MIA3: variants seen among roughly 807,000 people sequenced by gnomAD.
The protein encoded by MIA3 is MIA SH3 domain ER export factor 3.
A neutral mutation model predicts 192.4 loss-of-function variants in MIA3; 90 were observed. The ratio of observed to expected loss-of-function variants is 0.47; its 90% CI spans 0.39 to 0.56. MIA3 has a LOEUF of 0.56. MIA3 is among the 20% of genes least tolerant of loss of function. The probability of loss-of-function intolerance (pLI) is 0.00; values close to 1 mark genes in which losing one functional copy is unlikely to be tolerated. For missense variants in MIA3, 2,123 were observed against 2,269.4 expected (o/e 0.94, Z 1.31); for synonymous variants, 740 against 792.8 (o/e 0.93, Z 1.12).
chr1:222,660,884 G>A (rs1392921421), intron 24 of MIA3: 1 of 152,870 alleles, frequency 6.5e-6, no homozygotes, highest in Admixed American at 6.5e-5. Context: ...AAGCACAGAT[G>A]TACATGACAC....
chr1:222,655,874 C>A (rs1663690108), intron 18 of MIA3, among the ~76,000 whole-genome samples: 1 of 151,974 alleles, frequency 6.6e-6, no homozygotes, highest in South Asian at 2.1e-4. Context: ...ACTCTACTGT[C>A]CACCCCTAAA....
At chr1:222,645,394 T>G (rs1009796955) in intron 6 of MIA3, among the ~76,000 whole-genome samples, 160 bp from the exon 7 acceptor site, 1 of 152,168 alleles carries the variant, frequency 6.6e-6, no homozygotes, top group Non-Finnish European at 1.5e-5. Context: ...ACTCCCAGTA[T>G]CCTGTTTTTC....
chr1:222,655,761 C>T (rs139987672), intron 18 of MIA3, among the ~76,000 whole-genome samples: 17 of 152,194 alleles, frequency 1.1e-4, no homozygotes, highest in Admixed American at 7.8e-4. Flanking sequence ...ATGTGAATTA[C>T]GTAAATGGCA....
At chr1:222,646,203 G>A in intron 7 of MIA3, 1 of 152,542 alleles carries the variant, frequency 6.6e-6, no homozygotes, top group South Asian at 2.0e-4. Flanking sequence ...ATCACTTGAG[G>A]CCAGGAGTTC....
At chr1:222,637,683 AATT>A (rs1318544581) in intron 6 of MIA3, among the ~76,000 whole-genome samples, 44 of 29,850 alleles carry the variant, frequency 1.5e-3, no homozygotes, top group Non-Finnish European at 2.8e-3. Context: ...AATCAAGAAT[AATT>A]TTTTTTTTTT....
In MIA3 at chr1:222,644,493, C is replaced by G. The variant is rs763807200; in HGVS notation, c.3478-1061C>G. 261 of 1,550,614 alleles carry G rather than the reference C, an allele frequency of 1.7e-4. 1 individual carries two copies. Among genetic ancestry groups the G allele is most frequent in the Middle Eastern group, 1.3e-3 (8 of 5,992 alleles). ...TCTACACAATGGACTCAGTACCTGCCACTGTGCCTTCTATCGCCGCTACCC... is the reference window on the plus strand; with the variant it reads ...TCTACACAATGGACTCAGTACCTGCGACTGTGCCTTCTATCGCCGCTACCC... On this transcript the variant is annotated intron_variant, in intron 6 of 27. Coordinates refer to ENST00000344922, the MANE Select transcript of MIA3 (RefSeq NM_198551.4).
rs764724152 is a variant in MIA3 at position 222,662,070 on chromosome 1, C to T, written c.5128C>T (p.Pro1710Ser). 22 of 1,613,844 alleles carry T rather than the reference C, an allele frequency of 1.4e-5. No homozygotes were observed. Among genetic ancestry groups the T allele is most frequent in the Non-Finnish European group, 1.7e-5 (20 of 1,179,790 alleles). The change falls in exon 25 of 28, where the codon CCT becomes TCT. Residue 1710 changes from proline to serine, a missense_variant. Physicochemically the swap from Pro to Ser is moderately conservative, Grantham distance 74. Transcript: ENST00000344922. Reference sequence around the variant, plus strand: ...TCTTTCTCAAGGATCAGTGGACGGGCCTCTACCTCATCCTCGATGGTCAGC... The same window carrying T: ...TCTTTCTCAAGGATCAGTGGACGGGTCTCTACCTCATCCTCGATGGTCAGC... ...PRSEFGSVDGPLPHPRWSAEA... is the reference protein window; with the variant it reads ...PRSEFGSVDGSLPHPRWSAEA...
chr1:222,651,311 C>T (rs979576229), intron 11 of MIA3, among the ~76,000 whole-genome samples: 1 of 151,634 alleles, frequency 6.6e-6, no homozygotes, highest in African/African-American at 2.4e-5. Context: ...CCATAAATCC[C>T]ACACCCTATT....
At chr1:222,623,089 C>T (rs995357972) in intron 2 of MIA3, among the ~76,000 whole-genome samples, 5 of 152,260 alleles carry the variant, frequency 3.3e-5, no homozygotes, top group Non-Finnish European at 2.9e-5. Context: ...TATTTCCTGA[C>T]GAGGCAGTGG....
intron 6 of MIA3, among the ~76,000 whole-genome samples, chr1:222,637,559 A>G (rs1398533122): frequency 1.3e-5 from 2 of 152,168 alleles, no homozygotes; most frequent in African/African-American, 4.8e-5. Flanking sequence ...AACGAGTTAG[A>G]CAACTCATTC....
intron 6 of MIA3, among the ~76,000 whole-genome samples, chr1:222,637,684 A>AT (rs112135138): frequency 2.3e-3 from 178 of 76,388 alleles, no homozygotes; most frequent in Non-Finnish European, 4.9e-3. Context: ...ATCAAGAATA[A>AT]TTTTTTTTTT....
rs1664307594 is a variant in MIA3 at position 222,666,716 on chromosome 1, T to C, written c.*1097T>C. 1 of 149,944 alleles carries C rather than the reference T, an allele frequency of 6.7e-6. No individual in the cohort carries two copies. The highest frequency in any genetic ancestry group is 2.5e-5 in the African/African-American group (1 of 40,506). The allele number at this position is 149,944 out of a possible 1,614,324, so 9.3% of individuals were successfully genotyped here. On this transcript the variant is annotated 3_prime_UTR_variant, in exon 28 of 28. Transcript: ENST00000344922. The stretch of plus-strand genomic sequence containing the variant: ...TAGGGGGAAATGGGGGCGACAGATA[T>C]TATTCCAAAATTAATATTAATTAAT...
chr1:222,659,986 C>T lies in MIA3; in HGVS notation c.4955C>T (p.Thr1652Ile), dbSNP rs562939370. ...AAACCAATGCCAGGAAAACCAAATA[C>T]ACAAAACCCTCCACGGAGAGGTAAG... The part of the protein sequence containing the change: ...IVKPMPGKPN[T>I]QNPPRRGPLS... Residue 1652 changes from threonine (T) to isoleucine (I), a missense_variant, in exon 23 of 28, where the codon ACA becomes ATA. Coordinates refer to ENST00000344922, the MANE Select transcript of MIA3 (RefSeq NM_198551.4). 26 of 1,613,382 alleles carry T rather than the reference C, an allele frequency of 1.6e-5. No homozygotes were observed. In the South Asian group the frequency reaches 2.5e-4, roughly 16 times the overall value.
intron 2 of MIA3, among the ~76,000 whole-genome samples, chr1:222,623,974 C>T (rs1009457734): frequency 1.3e-5 from 2 of 152,190 alleles, no homozygotes; most frequent in Admixed American, 1.3e-4. Context: ...GGCAGTATAG[C>T]ACATCATATG....
rs1664338143 is a variant in MIA3 at position 222,667,416 on chromosome 1, T to C, written c.*1797T>C. ...ACAATGCTGAAGTTAATATAATTTC[T>C]AATTTTAAATGTCATTTAAGTGTAG... On this transcript the variant is annotated 3_prime_UTR_variant, in exon 28 of 28. Coordinates refer to ENST00000344922, the MANE Select transcript of MIA3 (RefSeq NM_198551.4). The C allele has an allele frequency of 6.6e-6, 1 of 152,234 alleles. No individual in the cohort carries two copies. The highest frequency in any genetic ancestry group is 1.9e-4 in the East Asian group (1 of 5,206). 9.4% of individuals were successfully genotyped at this position (152,234 alleles called of 1,614,324 possible).
At chr1:222,644,479 G>A in intron 6 of MIA3, 1 of 1,550,584 alleles carries the variant, frequency 6.4e-7, no homozygotes, top group East Asian at 2.4e-5. Context: ...CTACACAATG[G>A]ACTCAGTACC....
Position 222,627,882 on chromosome 1 carries a change from A to T in MIA3, c.662A>T (p.Gln221Leu), listed in dbSNP as rs370194090. 6.2e-7 allele frequency: 1 copy of T among 1,614,068 alleles called. No individual in the cohort carries two copies. Among genetic ancestry groups the T allele is most frequent in the African/African-American group, 1.3e-5 (1 of 75,072 alleles). ...GCAAACAGCCAAGCAAATCATGCTC[A>T]GGGAGAGCAGGCTTCATTTGAATCT... ...SHANSQANHA[Q>L]GEQASFESFE... The change falls in exon 4 of 28, where the codon CAG (glutamine) becomes CTG (leucine). Residue 221 changes from glutamine (Q) to leucine (L), a missense_variant. By Grantham distance (113) the Gln-to-Leu change is moderately radical. Around this residue, in one of 3 missense-constraint regions of MIA3, gnomAD observed 1,357 missense variants for 1,396.1 expected, o/e 0.97. Coordinates refer to ENST00000344922, the MANE Select transcript of MIA3 (RefSeq NM_198551.4).
At chr1:222,636,388 T>C (rs1571876612) in intron 6 of MIA3, among the ~76,000 whole-genome samples, 1 of 152,284 alleles carries the variant, frequency 6.6e-6, no homozygotes, top group East Asian at 1.9e-4. Context: ...CCTTTAGTTA[T>C]TCTTTGCCCA....
At chr1:222,624,481 A>T (rs542352551) in intron 2 of MIA3, among the ~76,000 whole-genome samples, 102 of 152,334 alleles carry the variant, frequency 6.7e-4, no homozygotes, top group Non-Finnish European at 1.3e-3. Flanking sequence ...TGAGCAGTTC[A>T]TCTCTCCAGT....
Sources: allele counts gnomAD v4.1 joint callset (sites outside exome capture counted in the v4.1 genomes callset), GRCh38; gene constraint gnomAD v4.1.1; regional missense constraint gnomAD v4.1.1; transcripts MANE v1.5; gene names NCBI Gene and HGNC (gene_info 2026-07-23, HGNC 2026-07-21).